ZC3HAV1: variants seen among roughly 807,000 people sequenced by gnomAD.
ZC3HAV1 encodes the protein zinc finger CCCH-type antiviral protein 1.
Under a neutral mutation model 86.6 loss-of-function variants are expected in ZC3HAV1, and 41 were observed. The observed-to-expected ratio is 0.47, with a 90% CI of 0.37 to 0.61. ZC3HAV1 has a LOEUF of 0.61. Among genes scored for constraint, ZC3HAV1 ranks in the 20% least tolerant of loss-of-function variants. The probability of loss-of-function intolerance (pLI) is 0.00; values close to 1 mark genes in which losing one functional copy is unlikely to be tolerated. For synonymous variants in ZC3HAV1, 421 were observed against 432.1 expected, an observed-to-expected ratio of 0.97 and a Z score of 0.32; for missense variants, 964 against 1,141.1, an observed-to-expected ratio of 0.84 and a Z score of 2.24.
chr7:139,057,156 C>T (rs911187442), intron 9 of ZC3HAV1, among the ~76,000 whole-genome samples: 1 of 151,948 alleles, frequency 6.6e-6, no homozygotes, highest in Admixed American at 6.6e-5. Context: ...TAAGACCTGC[C>T]TGAGCAACAC....
At chr7:139,058,294 A>C (rs1816344134) in intron 9 of ZC3HAV1, among the ~76,000 whole-genome samples, 1 of 152,032 alleles carries the variant, frequency 6.6e-6, no homozygotes, top group Non-Finnish European at 1.5e-5. Context: ...CTCTATTAAA[A>C]AATAAAAAAA....
At chr7:139,079,210 G>A in intron 4 of ZC3HAV1, 1 of 1,536,384 alleles carries the variant, frequency 6.5e-7, no homozygotes, top group Non-Finnish European at 8.7e-7. Context: ...TGTTGCTTGA[G>A]GAAAGGGCAG....
Position 139,079,627 on chromosome 7 carries a change from A to G in ZC3HAV1, c.1314T>C (p.Asp438=), listed in dbSNP as rs765395426. Residue 438 remains aspartate, a synonymous_variant, in exon 4 of 13, where the codon GAT becomes GAC. Coordinates refer to ENST00000242351, the MANE Select transcript of ZC3HAV1 (RefSeq NM_020119.4). ...FNNNADGVAT[D]ITSTRSLNYK... ...AATTTAAGGATCTGGTAGAAGTTAT[A>G]TCTGTGGCCACTCCATCAGCATTAT... The G allele has an allele frequency of 1.2e-5, 19 of 1,613,986 alleles. No individual in the cohort carries two copies. The highest frequency in any genetic ancestry group is 2.7e-5 in the African/African-American group (2 of 74,890).
chr7:139,079,006 C>A, intron 4 of ZC3HAV1: 2 of 1,472,950 alleles, frequency 1.4e-6, no homozygotes, highest in Non-Finnish European at 1.8e-6. Flanking sequence ...ACTCTCTACC[C>A]TTTAAGAACT....
At position 139,053,472 on chromosome 7, in the gene ZC3HAV1, G is replaced by A. The variant is rs767972022; in HGVS notation, c.2428C>T (p.His810Tyr). 6 of 1,597,348 alleles carry A rather than the reference G, an allele frequency of 3.8e-6. No homozygotes were observed. In the East Asian group the frequency reaches 9.0e-5, roughly 24 times the overall value. ...NNFDSFLHET[H>Y]ENKYGKGIYF... ...TAACCTTTTCCGTATTTGTTTTCAT[G>A]AGTTTCATGTAGGAAACTGTCAAAA... Residue 810 changes from histidine to tyrosine, a missense_variant, in exon 12 of 13, where the codon CAT becomes TAT. Physicochemically the swap from His to Tyr is moderately conservative, Grantham distance 83. Coordinates refer to ENST00000242351, the MANE Select transcript of ZC3HAV1 (RefSeq NM_020119.4).
Position 139,053,560 on chromosome 7 carries a change from T to C in ZC3HAV1, c.2340A>G (p.Glu780=). ...KFTWKKSQMK[E]EGKLLFYATS... ...TCGCATAAAATAGGAGTTTTCCTTC[T>C]TCCTTCATCTGCGATTTCTTCCTAA... Residue 780 remains glutamate (E), a synonymous_variant, in exon 12 of 13, where the codon GAA becomes GAG. Transcript: ENST00000242351. The C allele has an allele frequency of 6.3e-7, 1 of 1,599,236 alleles. No individual in the cohort carries two copies. The highest frequency in any genetic ancestry group is 8.5e-7 in the Non-Finnish European group (1 of 1,174,836).
chr7:139,076,195 G>C (rs774241276), intron 6 of ZC3HAV1, 91 bp downstream of exon 6: 1 of 1,552,732 alleles, frequency 6.4e-7, no homozygotes, highest in Non-Finnish European at 8.8e-7. Flanking sequence ...TGATGGAAAA[G>C]TGTTTTTTTC....
intron 1 of ZC3HAV1, among the ~76,000 whole-genome samples, chr7:139,106,721 G>A (rs1817946270): frequency 6.6e-6 from 1 of 152,052 alleles, no homozygotes; most frequent in Non-Finnish European, 1.5e-5. Context: ...CTGGACAATA[G>A]ATGATATTAA....
At chr7:139,065,052 C>G in intron 7 of ZC3HAV1, 53 bp from the exon 8 acceptor site, 6 of 1,608,220 alleles carry the variant, frequency 3.7e-6, no homozygotes, top group Non-Finnish European at 5.1e-6. Flanking sequence ...TAGGAAATCT[C>G]TACTGTTATA....
At chr7:139,101,446 T>A in intron 1 of ZC3HAV1, among the ~76,000 whole-genome samples, 1 of 115,210 alleles carries the variant, frequency 8.7e-6, no homozygotes, top group Non-Finnish European at 1.8e-5. Flanking sequence ...GGAGCGCCTC[T>A]GCCCTGCCGC....
chr7:139,068,343 A>G (rs1333336842), intron 7 of ZC3HAV1, among the ~76,000 whole-genome samples: 1 of 152,212 alleles, frequency 6.6e-6, no homozygotes, highest in Non-Finnish European at 1.5e-5. Flanking sequence ...TACAGGCATG[A>G]GCCACTGTGC....
intron 1 of ZC3HAV1, among the ~76,000 whole-genome samples, chr7:139,093,700 CT>C (rs998715716): frequency 1.8e-4 from 27 of 152,182 alleles, no homozygotes; most frequent in African/African-American, 6.5e-4. Flanking sequence ...CGGCCCCACC[CT>C]CATCTCCCTT....
chr7:139,067,458 C>CAAAA (rs2130687497), intron 7 of ZC3HAV1, among the ~76,000 whole-genome samples: 1 of 152,214 alleles, frequency 6.6e-6, no homozygotes, highest in African/African-American at 2.4e-5. Context: ...GCCAGGGAAG[C>CAAAA]AAAATTTCAC....
rs367919128 is a variant in ZC3HAV1, at chr7:139,047,328, CAAAAAAAAA to C, written c.*257_*265del. ...TGGACGATGGAGTGAGATTCAGTCT[CAAAAAAAAA>C]AAAAAAAAAAAAAATACAACTGCCT... On this transcript the variant is annotated 3_prime_UTR_variant, in exon 13 of 13. Transcript: ENST00000242351. 9.9e-4 allele frequency: 258 copies of C among 261,270 alleles called. No homozygotes were observed. Among genetic ancestry groups the C allele is most frequent in the South Asian group, 1.4e-3 (42 of 29,572 alleles). The allele number at this position is 261,270 out of a possible 1,614,324, so 16.2% of individuals were successfully genotyped here. A position where few individuals can be genotyped will look rare whatever the true frequency, so the allele number is the denominator to read the frequency against.
intron 1 of ZC3HAV1, among the ~76,000 whole-genome samples, chr7:139,102,974 G>GTATATGTATATGTATA (rs1423932997): frequency 6.8e-6 from 1 of 147,470 alleles, no homozygotes; most frequent in African/African-American, 2.5e-5. Context: ...ATATGTATAT[G>GTATATGTATATGTATA]TGTGTGTGTG....
chr7:139,076,421 A>G lies in ZC3HAV1; in HGVS notation c.1574-12T>C, dbSNP rs1816954110. 6.2e-7 allele frequency: 1 copy of G among 1,613,896 alleles called. No individual in the cohort carries two copies. Among genetic ancestry groups the G allele is most frequent in the Non-Finnish European group, 8.5e-7 (1 of 1,179,894 alleles). On this transcript the variant is annotated splice_polypyrimidine_tract_variant and intron_variant, in intron 5 of 12. Coordinates refer to ENST00000242351, the MANE Select transcript of ZC3HAV1 (RefSeq NM_020119.4). ...TTTGCTGCAGCTACCTACAAAGACAAAGAAGGGGTCTGAGGGACTGTTGAG... is the reference window on the plus strand; with the variant it reads ...TTTGCTGCAGCTACCTACAAAGACAGAGAAGGGGTCTGAGGGACTGTTGAG...
At chr7:139,097,412 A>ATTTTTTTTTTTTT (rs1387959860) in intron 1 of ZC3HAV1, among the ~76,000 whole-genome samples, 1 of 74,390 alleles carries the variant, frequency 1.3e-5, no homozygotes, top group Non-Finnish European at 2.4e-5. Flanking sequence ...ATATATATAT[A>ATTTTTTTTTTTTT]TATATATATA....
At chr7:139,088,926 A>T (rs1355212580) in intron 2 of ZC3HAV1, among the ~76,000 whole-genome samples, 2 of 151,950 alleles carry the variant, frequency 1.3e-5, no homozygotes, top group Non-Finnish European at 2.9e-5. Flanking sequence ...AACATGGTGA[A>T]ACCCTGTCTC....
rs373433912 is a variant in ZC3HAV1, at chr7:139,080,028, G to T, written c.913C>A (p.Arg305Ser). ...RKFTYLGSQD[R>S]ARPPSGSSKA... ...GACGAGCCTGAGGGAGGCCGAGCGC[G>T]ATCCTGACTCCCCAGATACGTGAAC... The change falls in exon 4 of 13, where the codon CGC (arginine) becomes AGC (serine). Residue 305 changes from arginine (R) to serine (S), a missense_variant. By Grantham distance (110) the Arg-to-Ser change is moderately radical (BLOSUM62 -1). Coordinates refer to ENST00000242351, the MANE Select transcript of ZC3HAV1 (RefSeq NM_020119.4). The T allele has an allele frequency of 6.2e-6, 10 of 1,614,048 alleles. No individual in the cohort carries two copies. In the South Asian group the frequency reaches 9.9e-5, roughly 16 times the overall value.
Sources: gnomAD v4.1 joint callset for allele counts (sites outside exome capture counted in the v4.1 genomes callset) on GRCh38, gnomAD v4.1.1 for gene constraint, MANE v1.5 for transcripts, NCBI Gene and HGNC (gene_info 2026-07-23, HGNC 2026-07-21) for gene names.